PDE10A: variants seen among roughly 807,000 people sequenced by gnomAD.
The protein encoded by PDE10A is cAMP and cAMP-inhibited cGMP 3',5'-cyclic phosphodiesterase 10A.
A neutral mutation model predicts 97.7 loss-of-function variants in PDE10A; 39 were observed. The ratio of observed to expected loss-of-function variants is 0.40; its 90% confidence interval spans 0.31 to 0.52. The LOEUF (loss-of-function observed/expected upper bound fraction) is 0.52. PDE10A is among the 20% of genes least tolerant of loss of function. PDE10A has a pLI of 0.56. For synonymous variants in PDE10A, 371 were observed against 376.8 expected (o/e 0.98, Z 0.18); for missense variants, 731 against 1,047.8 (o/e 0.70, Z 4.17).
intron 3 of PDE10A, among the ~76,000 whole-genome samples, chr6:165,471,222 C>T (rs182640496): frequency 6.6e-6 from 1 of 152,014 alleles, no homozygotes; most frequent in Non-Finnish European, 1.5e-5. Context: ...AAACATATGC[C>T]CCTGATTCTC....
At chr6:165,619,429 A>AGTGTAGTC (rs1293736871) in intron 1 of PDE10A, among the ~76,000 whole-genome samples, 1 of 18,824 alleles carries the variant, frequency 5.3e-5, no homozygotes, top group African/African-American at 3.8e-4. Context: ...GTAGTGTAGT[A>AGTGTAGTC]TAGTGTAGTG....
At chr6:165,473,696 C>T (rs866475713) in intron 3 of PDE10A, among the ~76,000 whole-genome samples, 2 of 152,116 alleles carry the variant, frequency 1.3e-5, no homozygotes, top group African/African-American at 4.8e-5. Context: ...CAAAGGAAAA[C>T]ACTGTGGCCA....
Position 165,937,053 on chromosome 6 carries a change from T to C in PDE10A, c.-615+50476A>G, listed in dbSNP as rs142917295. Among the ~76,000 whole-genome samples the C allele has an allele frequency of 2.7e-3, 409 of 152,368 alleles. 1 individual carries two copies. Among genetic ancestry groups the C allele is most frequent in the Middle Eastern group, 6.8e-3 (2 of 294 alleles). Reference sequence around the variant, plus strand: ...GCTGAGACGAAGTTCTTCCTCTATGTAGTTCAGGGGTGACCATGACAATTT... The same window carrying C: ...GCTGAGACGAAGTTCTTCCTCTATGCAGTTCAGGGGTGACCATGACAATTT... On this transcript the variant is annotated intron_variant, in intron 1 of 19. Transcript: ENST00000366882.
chr6:165,868,805 A>G (rs1207484207), intron 1 of PDE10A, among the ~76,000 whole-genome samples: 3 of 152,122 alleles, frequency 2.0e-5, no homozygotes, highest in Non-Finnish European at 4.4e-5. Context: ...ACAATTCACC[A>G]AAAAGATAAT....
chr6:165,837,042 A>C lies in PDE10A; in HGVS notation c.-615+150487T>G, dbSNP rs1361374653. On this transcript the variant is annotated intron_variant, in intron 1 of 19. Coordinates refer to the PDE10A transcript ENST00000366882. ...GGAAGGGGAACATCACACTCTGGGG[A>C]CTGTTGTGGGGTGGGGGGAGGGGGG... Among the ~76,000 whole-genome samples the C allele has an allele frequency of 8.1e-4, 89 of 110,400 alleles. 1 individual carries two copies. Among genetic ancestry groups the C allele is most frequent in the Non-Finnish European group, 5.1e-5 (3 of 58,908 alleles). The allele number at this position is 110,400 out of a possible 152,430, so 72.4% of individuals were successfully genotyped here.
At chr6:165,865,000 T>G (rs1380925237) in intron 1 of PDE10A, among the ~76,000 whole-genome samples, 1 of 152,194 alleles carries the variant, frequency 6.6e-6, no homozygotes, top group Admixed American at 6.5e-5. Context: ...TATACAGTCT[T>G]AGTTATCTTT....
intron 1 of PDE10A, among the ~76,000 whole-genome samples, chr6:165,814,075 C>A (rs1779347568): frequency 6.6e-6 from 1 of 152,128 alleles, no homozygotes; most frequent in South Asian, 2.1e-4. Context: ...TGAGTTGATA[C>A]AAAGGTGTCA....
At chr6:165,345,806 T>C (rs912334215) in intron 18 of PDE10A, among the ~76,000 whole-genome samples, 4 of 152,200 alleles carry the variant, frequency 2.6e-5, no homozygotes, top group African/African-American at 9.6e-5. Context: ...AGAGTAATAA[T>C]GTCCTAATAG....
chr6:165,428,345 AAATC>A (rs780420260), intron 10 of PDE10A, among the ~76,000 whole-genome samples: 1 of 152,152 alleles, frequency 6.6e-6, no homozygotes, highest in Non-Finnish European at 1.5e-5. Flanking sequence ...GATCAGGAAA[AAATC>A]AATCGAGAAT....
intron 2 of PDE10A, among the ~76,000 whole-genome samples, chr6:165,488,277 A>G (rs1159602740): frequency 2.6e-5 from 4 of 152,182 alleles, no homozygotes; most frequent in Non-Finnish European, 5.9e-5. Flanking sequence ...TTAGAGAAAG[A>G]TAAAGCATCT....
chr6:165,766,105 G>A (rs977233951), intron 1 of PDE10A, among the ~76,000 whole-genome samples: 1 of 152,116 alleles, frequency 6.6e-6, no homozygotes, highest in African/African-American at 2.4e-5. Flanking sequence ...TGTTAGTCCC[G>A]CCGTCCCCTC....
At chr6:165,960,986 G>T (rs1328700413) in intron 1 of PDE10A, among the ~76,000 whole-genome samples, 1 of 152,144 alleles carries the variant, frequency 6.6e-6, no homozygotes, top group Non-Finnish European at 1.5e-5. Flanking sequence ...CGTTGCCGGG[G>T]AGTGTGGCAG....
intron 1 of PDE10A, among the ~76,000 whole-genome samples, chr6:165,582,676 A>G (rs1321243532): frequency 6.8e-6 from 1 of 147,236 alleles, no homozygotes; most frequent in East Asian, 1.9e-4. Flanking sequence ...AGAACAAACA[A>G]AAAAAAAAAC....
In PDE10A at chr6:165,655,268, C is replaced by T. The variant is rs113792147; in HGVS notation, c.865+6679G>A. ...GCAGTTTCTATGCTGCAGTCTTGAACGATCCTTTGGATCAAATCCTCCCAG... is the reference window on the plus strand; with the variant it reads ...GCAGTTTCTATGCTGCAGTCTTGAATGATCCTTTGGATCAAATCCTCCCAG... On this transcript the variant is annotated intron_variant, in intron 1 of 21. Transcript: ENST00000539869. The surrounding 1 kb of genome is among the most constrained non-coding windows in gnomAD (Gnocchi z 4.5). Among the ~76,000 whole-genome samples, 33 of 152,250 alleles carry T rather than the reference C, an allele frequency of 2.2e-4. No homozygotes were observed. The East Asian group carries it at 5.2e-3, about 24-fold the overall frequency.
intron 1 of PDE10A, among the ~76,000 whole-genome samples, chr6:165,979,629 C>T (rs1784951188): frequency 6.6e-6 from 1 of 152,140 alleles, no homozygotes; most frequent in Admixed American, 6.5e-5. Context: ...CATTAGGTGC[C>T]AGGTACACTG....
chr6:165,726,846 A>C (rs191290059), intron 1 of PDE10A, among the ~76,000 whole-genome samples: 15 of 152,378 alleles, frequency 9.8e-5, no homozygotes, highest in Middle Eastern at 3.4e-3. Flanking sequence ...AAACAAGCAC[A>C]GATCTCCCTT....
chr6:165,871,157 T>C (rs1190017892), intron 1 of PDE10A, among the ~76,000 whole-genome samples: 2 of 152,226 alleles, frequency 1.3e-5, no homozygotes, highest in Non-Finnish European at 2.9e-5. Flanking sequence ...ATATCCTGAT[T>C]TGGTCATTAC....
At chr6:165,627,516 A>G (rs1788442237) in intron 1 of PDE10A, among the ~76,000 whole-genome samples, 2 of 152,134 alleles carry the variant, frequency 1.3e-5, no homozygotes, top group South Asian at 4.1e-4. Flanking sequence ...GTAATTCCAC[A>G]CTATCAGATG....
At chr6:165,812,208 C>T (rs6929019) in intron 1 of PDE10A, among the ~76,000 whole-genome samples, 28,110 of 151,306 alleles carry the variant, frequency 0.19, 2,711 homozygotes, top group South Asian at 0.23. Context: ...GGAAGGTAGA[C>T]GTATGTCACA....
Sources: allele counts gnomAD v4.1 joint callset (sites outside exome capture counted in the v4.1 genomes callset), GRCh38; gene constraint gnomAD v4.1.1; non-coding constraint Gnocchi (gnomAD v3.1); transcripts MANE v1.5; gene names NCBI Gene and HGNC (gene_info 2026-07-23, HGNC 2026-07-21).